ATP9B: variants seen among roughly 807,000 people sequenced by gnomAD.
ATP9B encodes probable phospholipid-transporting ATPase IIB.
ATP9B carries 110 observed loss-of-function variants against 146.1 expected under a neutral mutation model. The ratio of observed to expected loss-of-function variants is 0.75; its 90% confidence interval spans 0.65 to 0.88. The LOEUF (loss-of-function observed/expected upper bound fraction) is 0.88, where lower values mean the gene tolerates loss of function less well. ATP9B is among the 40% of genes least tolerant of loss of function. The pLI is 0.00. For synonymous variants in ATP9B, 604 were observed against 569.7 expected, an observed-to-expected ratio of 1.06 and a Z score of -0.86; for missense variants, 1,499 against 1,496.4, an observed-to-expected ratio of 1.00 and a Z score of -0.03.
chr18:79,271,304 T>G, intron 12 of ATP9B, among the ~76,000 whole-genome samples: 1 of 152,174 alleles, frequency 6.6e-6, no homozygotes, highest in East Asian at 1.9e-4. Flanking sequence ...TTGTTACATA[T>G]GTATACATGT....
chr18:79,266,409 A>G (rs1246790272), intron 12 of ATP9B, among the ~76,000 whole-genome samples: 2 of 126,258 alleles, frequency 1.6e-5, no homozygotes, highest in Non-Finnish European at 3.6e-5. Flanking sequence ...TCAGTAAATA[A>G]TAACAGCTTT....
intron 9 of ATP9B, among the ~76,000 whole-genome samples, chr18:79,199,226 C>T (rs2095443236): frequency 6.6e-6 from 1 of 152,062 alleles, no homozygotes; most frequent in African/African-American, 2.4e-5. Flanking sequence ...GCTGGGATTA[C>T]AGGCATGAGC....
At chr18:79,340,296 A>T (rs755598031) in intron 19 of ATP9B, 1 of 152,154 alleles carries the variant, frequency 6.6e-6, no homozygotes, top group Non-Finnish European at 1.5e-5. Flanking sequence ...TATTCTTTAC[A>T]TTATGTAAAG....
Position 79,143,825 on chromosome 18 carries a change from G to A in ATP9B, c.691G>A (p.Asp231Asn). 1 of 1,588,544 alleles carries A rather than the reference G, an allele frequency of 6.3e-7. No individual in the cohort carries two copies. The highest frequency in any genetic ancestry group is 2.3e-5 in the East Asian group (1 of 43,908). ...AGGTAAAGTGCAAGTTAAGAGTTCA[G>A]ACATACAAGTTGGAGACCTCATCAT... The part of the protein sequence containing the change: ...VRGKVQVKSS[D>N]IQVGDLIIVE... The change falls in exon 6 of 30, where the codon GAC becomes AAC. Residue 231 changes from aspartate to asparagine, a missense_variant. Physicochemically the swap from Asp to Asn is conservative, Grantham distance 23. Transcript: ENST00000426216.
At chr18:79,110,532 G>C in intron 3 of ATP9B, 27 bp downstream of exon 3, 1 of 1,583,852 alleles carries the variant, frequency 6.3e-7, no homozygotes, top group Non-Finnish European at 8.6e-7. Context: ...CTTGGAGATG[G>C]GTTGTGTGTC....
chr18:79,232,831 A>G (rs2095804712), intron 11 of ATP9B, among the ~76,000 whole-genome samples: 1 of 152,232 alleles, frequency 6.6e-6, no homozygotes, highest in Admixed American at 6.5e-5. Flanking sequence ...GGTAACAGAA[A>G]TGAAGAATGT....
intron 29 of ATP9B, among the ~76,000 whole-genome samples, chr18:79,376,856 G>T (rs1315115356): frequency 6.6e-6 from 1 of 151,848 alleles, no homozygotes; most frequent in Non-Finnish European, 1.5e-5. Flanking sequence ...CACCACGCCC[G>T]GCTAATGTTT....
chr18:79,083,344 C>T lies in ATP9B; in HGVS notation c.120-13132C>T, dbSNP rs144142888. On this transcript the variant is annotated intron_variant, in intron 1 of 29. Transcript: ENST00000426216. ...CAGTGAATCTTAGCTTGCTGGGCTC[C>T]GTGGGGGTGGGATTCGCTGAGGTAG... 1.0e-3 allele frequency among the ~76,000 whole-genome samples: 158 copies of T among 152,306 alleles called. 1 individual carries two copies. Among genetic ancestry groups the T allele is most frequent in the Non-Finnish European group, 4.6e-4 (31 of 68,012 alleles).
chr18:79,377,152 A>T (rs926707216), intron 29 of ATP9B, 95 bp from the exon 30 acceptor site: 19 of 1,458,074 alleles, frequency 1.3e-5, no homozygotes, highest in Non-Finnish European at 1.8e-5. Flanking sequence ...GCAAGCTTAG[A>T]CCGTCTGGTG....
At chr18:79,261,815 C>G (rs1284502064) in intron 12 of ATP9B, among the ~76,000 whole-genome samples, 4 of 152,168 alleles carry the variant, frequency 2.6e-5, no homozygotes, top group South Asian at 2.1e-4. Flanking sequence ...AATGTTTCCT[C>G]TCTGCCTGTT....
chr18:79,184,374 T>G (rs4405618), intron 8 of ATP9B, among the ~76,000 whole-genome samples: 38,877 of 152,034 alleles, frequency 0.26, 5,276 homozygotes, highest in East Asian at 0.5. Flanking sequence ...TTGTTTGTTT[T>G]TTTAATTTCA....
chr18:79,275,569 A>G (rs532958819), intron 12 of ATP9B, among the ~76,000 whole-genome samples: 1 of 152,348 alleles, frequency 6.6e-6, no homozygotes, highest in East Asian at 1.9e-4. Flanking sequence ...TCTTCAGCAC[A>G]GCTGATAAAG....
At chr18:79,306,837 CAGTGCTTTATAGG>C in intron 14 of ATP9B, 136 bp from the exon 15 acceptor site, 1 of 940,752 alleles carries the variant, frequency 1.1e-6, no homozygotes, top group Non-Finnish European at 1.5e-6. Flanking sequence ...ACTCATTAAT[CAGTGCTTTATAGG>C]AGATAATCAG....
At chr18:79,191,685 G>C (rs938718084) in intron 8 of ATP9B, among the ~76,000 whole-genome samples, 2 of 152,004 alleles carry the variant, frequency 1.3e-5, no homozygotes, top group Admixed American at 1.3e-4. Context: ...CTCTTTCTTT[G>C]TTGTGATTTC....
At chr18:79,284,609 T>C (rs1227127644) in intron 13 of ATP9B, among the ~76,000 whole-genome samples, 2 of 152,166 alleles carry the variant, frequency 1.3e-5, no homozygotes, top group East Asian at 3.8e-4. Context: ...TGTTTCCATT[T>C]CATTTTTTTT....
intron 13 of ATP9B, among the ~76,000 whole-genome samples, chr18:79,282,837 C>T (rs1489615884): frequency 6.6e-6 from 1 of 152,088 alleles, no homozygotes; most frequent in Non-Finnish European, 1.5e-5. Flanking sequence ...TCTTGGTGCC[C>T]CCCAACTATG....
chr18:79,218,445 C>CA (rs2095648629), intron 11 of ATP9B, among the ~76,000 whole-genome samples: 1 of 144,448 alleles, frequency 6.9e-6, no homozygotes, highest in South Asian at 2.2e-4. Context: ...TTCCTTGTCT[C>CA]ACGCAGGCTG....
chr18:79,222,357 T>G (rs539599869), intron 11 of ATP9B, among the ~76,000 whole-genome samples: 84 of 150,308 alleles, frequency 5.6e-4, no homozygotes, highest in African/African-American at 2.0e-3. Flanking sequence ...AGACTCCATC[T>G]CAAAAAAAAA....
chr18:79,211,100 C>T (rs2095580048), intron 10 of ATP9B, among the ~76,000 whole-genome samples: 1 of 152,130 alleles, frequency 6.6e-6, no homozygotes, highest in Non-Finnish European at 1.5e-5. Context: ...AAAAGTATTG[C>T]AATAGGCCTA....
Sources: gnomAD v4.1 joint callset for allele counts (sites outside exome capture counted in the v4.1 genomes callset) on GRCh38, gnomAD v4.1.1 for gene constraint, MANE v1.5 for transcripts, NCBI Gene and HGNC (gene_info 2026-07-23, HGNC 2026-07-21) for gene names.